The following NOL4 variants were observed in gnomAD, a reference collection of about 807,000 sequenced individuals.
NOL4 encodes nucleolar protein 4.
In NOL4, 17 loss-of-function variants were observed where a neutral mutation model predicts 75.9. The observed-to-expected ratio is 0.22, with a 90% CI of 0.15 to 0.34. NOL4 has a LOEUF of 0.34. NOL4 is among the 10% of genes least tolerant of loss of function. The pLI is 1.00. For missense variants in NOL4, 614 were observed against 793.5 expected (o/e 0.77, Z 2.72); for synonymous variants, 292 against 289.9 (o/e 1.01, Z -0.07).
intron 9 of NOL4, among the ~76,000 whole-genome samples, chr18:33,890,485 A>T (rs891840982): frequency 6.6e-6 from 1 of 152,162 alleles, no homozygotes; most frequent in Non-Finnish European, 1.5e-5. Flanking sequence ...ATCCCCATCA[A>T]GCTACCAATG....
rs188483601 is a variant in NOL4 at position 33,950,149 on chromosome 18, C to T, written c.1429-6971G>A. Among the ~76,000 whole-genome samples, 771 of 151,612 alleles carry T rather than the reference C, an allele frequency of 5.1e-3. 2 individuals are homozygous for T. The highest frequency in any genetic ancestry group is 8.6e-3 in the Non-Finnish European group (580 of 67,826). On this transcript the variant is annotated intron_variant, in intron 8 of 10. Transcript: ENST00000261592. ...TATAATTAATATCACTACCTATTCCCACTAATTGTTAAATAGATTTAAATT... is the reference window on the plus strand; with the variant it reads ...TATAATTAATATCACTACCTATTCCTACTAATTGTTAAATAGATTTAAATT...
chr18:34,007,814 T>C (rs547022232), intron 6 of NOL4, among the ~76,000 whole-genome samples: 24 of 152,140 alleles, frequency 1.6e-4, no homozygotes, highest in African/African-American at 5.1e-4. Context: ...TCAGGCAGAA[T>C]TATCTCCTTG....
chr18:34,037,273 C>T (rs760336713), intron 5 of NOL4, among the ~76,000 whole-genome samples: 10 of 151,940 alleles, frequency 6.6e-5, no homozygotes, highest in African/African-American at 9.7e-5. Context: ...CACAGGAGGA[C>T]ACAAACAAAT....
intron 8 of NOL4, among the ~76,000 whole-genome samples, chr18:33,944,110 G>A (rs1374142732): frequency 6.6e-6 from 1 of 151,768 alleles, no homozygotes; most frequent in Non-Finnish European, 1.5e-5. Flanking sequence ...AAAATAATGT[G>A]AAATTATGAA....
At chr18:34,124,732 C>T (rs1015717993) in intron 2 of NOL4, among the ~76,000 whole-genome samples, 2 of 152,000 alleles carry the variant, frequency 1.3e-5, no homozygotes, top group African/African-American at 4.8e-5. Context: ...TGGTGAAACC[C>T]CATCTCTACT....
At chr18:33,903,545 G>A (rs1599811573) in intron 9 of NOL4, among the ~76,000 whole-genome samples, 1 of 152,110 alleles carries the variant, frequency 6.6e-6, no homozygotes, top group Non-Finnish European at 1.5e-5. Context: ...CCAAACTCAA[G>A]TTAACCAAAG....
chr18:34,061,065 G>C (rs2077047186), intron 5 of NOL4, among the ~76,000 whole-genome samples: 1 of 152,142 alleles, frequency 6.6e-6, no homozygotes, highest in African/African-American at 2.4e-5. Flanking sequence ...CACGCCCTAA[G>C]AGTGTGAGTT....
chr18:33,903,740 C>A (rs762694327), intron 9 of NOL4, among the ~76,000 whole-genome samples: 51 of 152,272 alleles, frequency 3.3e-4, no homozygotes, highest in Middle Eastern at 3.4e-3. Context: ...ATTCCCATAA[C>A]TAGACAAGGC....
At chr18:34,043,493 T>A (rs991372360) in intron 5 of NOL4, among the ~76,000 whole-genome samples, 1 of 152,074 alleles carries the variant, frequency 6.6e-6, no homozygotes, top group African/African-American at 2.4e-5. Flanking sequence ...AATTTTTTCT[T>A]CACCTATTCT....
intron 5 of NOL4, among the ~76,000 whole-genome samples, chr18:34,050,930 C>T (rs1051035606): frequency 3.3e-5 from 5 of 152,084 alleles, no homozygotes; most frequent in African/African-American, 9.6e-5. Flanking sequence ...CATGGAAAGG[C>T]TTGGATACAG....
chr18:33,971,025 C>A (rs1034334799), intron 6 of NOL4, among the ~76,000 whole-genome samples: 1 of 151,966 alleles, frequency 6.6e-6, no homozygotes, highest in Non-Finnish European at 1.5e-5. Flanking sequence ...AAGGACAGAC[C>A]TTTTCATTTT....
At chr18:34,008,410 T>TATCTATCC (rs1422599765) in intron 6 of NOL4, among the ~76,000 whole-genome samples, 3 of 150,320 alleles carry the variant, frequency 2.0e-5, no homozygotes, top group Non-Finnish European at 3.0e-5. Context: ...TCTATCTATC[T>TATCTATCC]ATCCTATGGG....
At chr18:34,061,527 TCAAC>T (rs1338404553) in intron 5 of NOL4, among the ~76,000 whole-genome samples, 1 of 152,088 alleles carries the variant, frequency 6.6e-6, no homozygotes, top group Non-Finnish European at 1.5e-5. Context: ...ACCTAAAAGG[TCAAC>T]CAATAGTCAA....
chr18:33,943,034 G>T, intron 9 of NOL4, 31 bp downstream of exon 9: 1 of 1,367,280 alleles, frequency 7.3e-7, no homozygotes, highest in Non-Finnish European at 1.0e-6. Flanking sequence ...GCTATAGCTG[G>T]TGTTCACCAG....
intron 9 of NOL4, among the ~76,000 whole-genome samples, chr18:33,931,212 T>C (rs781183642): frequency 6.6e-6 from 1 of 152,194 alleles, no homozygotes; most frequent in Non-Finnish European, 1.5e-5. Context: ...AGAATTAATC[T>C]GACAATTTAG....
intron 1 of NOL4, among the ~76,000 whole-genome samples, chr18:34,212,962 T>A (rs1470758662): frequency 6.6e-6 from 1 of 152,162 alleles, no homozygotes; most frequent in Non-Finnish European, 1.5e-5. Context: ...AAGGCCCCCC[T>A]TTCTTAAAGT....
At chr18:34,074,855 C>A (rs1322682031) in intron 5 of NOL4, among the ~76,000 whole-genome samples, 3 of 151,998 alleles carry the variant, frequency 2.0e-5, no homozygotes, top group African/African-American at 2.4e-5. Context: ...AATGTTTTAG[C>A]TTATATTATG....
chr18:34,124,534 T>C (rs2080294312), intron 2 of NOL4, among the ~76,000 whole-genome samples: 1 of 152,202 alleles, frequency 6.6e-6, no homozygotes, highest in African/African-American at 2.4e-5. Flanking sequence ...CTTCCTCATC[T>C]TGATGACATG....
intron 5 of NOL4, among the ~76,000 whole-genome samples, chr18:34,036,412 A>G (rs775142217): frequency 4.6e-5 from 7 of 152,168 alleles, no homozygotes; most frequent in Non-Finnish European, 1.0e-4. Context: ...ACTCAACATC[A>G]CTTCATGTAA....
Sources: gnomAD v4.1 joint callset for allele counts (sites outside exome capture counted in the v4.1 genomes callset) on GRCh38, gnomAD v4.1.1 for gene constraint, MANE v1.5 for transcripts, NCBI Gene and HGNC (gene_info 2026-07-23, HGNC 2026-07-21) for gene names.